The following PLEKHG4B variants were observed in gnomAD, a reference collection of about 807,000 sequenced individuals.
PLEKHG4B encodes pleckstrin homology domain-containing family G member 4B.
Under a neutral mutation model 121.3 loss-of-function variants are expected in PLEKHG4B, and 111 were observed. The observed-to-expected ratio is 0.92, with a 90% CI of 0.78 to 1.07. The LOEUF is 1.07. Among genes scored for constraint, PLEKHG4B ranks in the 50% least tolerant of loss-of-function variants. The pLI is 0.00. For synonymous variants in PLEKHG4B, 738 were observed against 725.0 expected (o/e 1.02, Z -0.29); for missense variants, 1,831 against 1,757.8 (o/e 1.04, Z -0.74).
At chr5:130,373 T>G (rs11750941) in intron 2 of PLEKHG4B, among the ~76,000 whole-genome samples, 28,681 of 152,096 alleles carry the variant, frequency 0.19, 3,773 homozygotes, top group African/African-American at 0.37. Context: ...TAAGGAAATG[T>G]TAATAACTAA....
chr5:97,013 A>G (rs1472345836), intron 1 of PLEKHG4B, among the ~76,000 whole-genome samples: 2 of 152,196 alleles, frequency 1.3e-5, no homozygotes, highest in Non-Finnish European at 2.9e-5. Context: ...GGCAACCACC[A>G]CCTCTTTCTA....
intron 6 of PLEKHG4B, among the ~76,000 whole-genome samples, chr5:148,714 G>A (rs1735509354): frequency 6.6e-6 from 1 of 152,086 alleles, no homozygotes; most frequent in Non-Finnish European, 1.5e-5. Flanking sequence ...TGCCGAAATA[G>A]GAAAACCTAT....
chr5:154,370 C>G (rs1406815395), intron 7 of PLEKHG4B, among the ~76,000 whole-genome samples: 1 of 152,130 alleles, frequency 6.6e-6, no homozygotes, highest in African/African-American at 2.4e-5. Context: ...TGCCTGTTTT[C>G]TGTTGGAGCT....
chr5:178,271 T>C (rs549744712), intron 18 of PLEKHG4B, among the ~76,000 whole-genome samples: 3 of 152,362 alleles, frequency 2.0e-5, no homozygotes, highest in African/African-American at 7.2e-5. Flanking sequence ...GGTGCCACTT[T>C]TAGAGAGACA....
chr5:169,913 A>C (rs1185109329), intron 14 of PLEKHG4B, among the ~76,000 whole-genome samples: 2 of 152,200 alleles, frequency 1.3e-5, no homozygotes, highest in Non-Finnish European at 2.9e-5. Context: ...GATAGGCCAG[A>C]AGCAGTTCCC....
rs76106062 is a variant in PLEKHG4B at position 105,886 on chromosome 5, A to G, written c.46-7365A>G. On this transcript the variant is annotated intron_variant, in intron 1 of 19. Coordinates refer to ENST00000637938, the MANE Select transcript of PLEKHG4B (RefSeq NM_052909.5). ...GCAGCTGTAGAAGCTGGGGGGGCCC[A>G]TGAGCCGAGCACGCACCCGCCGCCT... 8.5e-4 allele frequency among the ~76,000 whole-genome samples: 130 copies of G among 152,320 alleles called. 2 individuals are homozygous for G. In the East Asian group the frequency reaches 0.024, roughly 28 times the overall value.
At position 140,646 on chromosome 5, in the gene PLEKHG4B, C is replaced by G. The variant is rs1735140602; in HGVS notation, c.1407C>G (p.His469Gln). The change falls in exon 3 of 20, where the codon CAC (histidine) becomes CAG (glutamine). Residue 469 changes from histidine (H) to glutamine (Q), a missense_variant. Coordinates refer to ENST00000637938, the MANE Select transcript of PLEKHG4B (RefSeq NM_052909.5). ...CAGCAGGCTCCAGGCCTGGGGGCCA[C>G]CTAGGAGGACAAGCTGTGGGGACCC... ...HHSAGSRPGGHLGGQAVGTPN... is the reference protein window; with the variant it reads ...HHSAGSRPGGQLGGQAVGTPN... 6.2e-7 allele frequency: 1 copy of G among 1,608,350 alleles called. No homozygotes were observed. The highest frequency in any genetic ancestry group is 1.3e-5 in the African/African-American group (1 of 74,622).
rs902581768 is a variant in PLEKHG4B at position 157,841 on chromosome 5, C to T, written c.2487+930C>T. ...TGAAAGAGCCAGCAGCATGGAGAGG[C>T]AGCAGTGGGGTGGAGGCATCCCCAG... On this transcript the variant is annotated intron_variant, in intron 11 of 19. Coordinates refer to ENST00000637938, the MANE Select transcript of PLEKHG4B (RefSeq NM_052909.5). The surrounding 1 kb of genome is among the most constrained non-coding windows in gnomAD (Gnocchi z 4.6). Among the ~76,000 whole-genome samples, 1 of 152,192 alleles carries T rather than the reference C, an allele frequency of 6.6e-6. No homozygotes were observed. The highest frequency in any genetic ancestry group is 1.5e-5 in the Non-Finnish European group (1 of 68,022).
chr5:136,349 A>C (rs6888020), intron 2 of PLEKHG4B, among the ~76,000 whole-genome samples: 1 of 152,108 alleles, frequency 6.6e-6, no homozygotes, highest in African/African-American at 2.4e-5. Flanking sequence ...GTACTATTGC[A>C]TAAAAAGGGC....
At chr5:151,266 TATAGA>T (rs1441563624) in intron 6 of PLEKHG4B, among the ~76,000 whole-genome samples, 1 of 152,220 alleles carries the variant, frequency 6.6e-6, no homozygotes, top group East Asian at 1.9e-4. Context: ...CATCAAAACT[TATAGA>T]ACTATTCACT....
intron 18 of PLEKHG4B, among the ~76,000 whole-genome samples, chr5:180,504 G>T (rs1437088201): frequency 6.6e-6 from 1 of 152,324 alleles, no homozygotes; most frequent in East Asian, 1.9e-4. Flanking sequence ...GGGGTAGAAA[G>T]GTGTCAAGTT....
intron 1 of PLEKHG4B, among the ~76,000 whole-genome samples, chr5:105,033 G>A (rs1233968376): frequency 2.0e-5 from 3 of 151,516 alleles, no homozygotes; most frequent in Admixed American, 6.6e-5. Flanking sequence ...TTCCCATCCT[G>A]AAGGTGGAAA....
chr5:106,482 A>G (rs1733977118), intron 1 of PLEKHG4B, among the ~76,000 whole-genome samples: 1 of 152,220 alleles, frequency 6.6e-6, no homozygotes, highest in Non-Finnish European at 1.5e-5. Context: ...ATTTCAAGGT[A>G]TTTTGTTCTT....
At position 163,028 on chromosome 5, in the gene PLEKHG4B, A is replaced by G. The variant is rs748892065; in HGVS notation, c.2956A>G (p.Arg986Gly). Residue 986 changes from arginine to glycine, a missense_variant, in exon 13 of 20, where the codon AGG becomes GGG. Coordinates refer to ENST00000637938, the MANE Select transcript of PLEKHG4B (RefSeq NM_052909.5). ...KHERAQEAMR[R>G]HQKPPSFPST... Reference sequence around the variant, plus strand: ...TGAGCGTGCCCAGGAGGCCATGAGGAGGCACCAGAAGCCACCCTCATTCCC... The same window carrying G: ...TGAGCGTGCCCAGGAGGCCATGAGGGGGCACCAGAAGCCACCCTCATTCCC... The G allele has an allele frequency of 1.3e-6, 2 of 1,561,938 alleles. No homozygotes were observed. Among genetic ancestry groups the G allele is most frequent in the Non-Finnish European group, 1.7e-6 (2 of 1,153,028 alleles).
In PLEKHG4B at chr5:161,848, G is replaced by C. The variant is rs1268868345; in HGVS notation, c.2553G>C (p.Gln851His). ...ENPQRTEEMVQDFRRGLSAVV... is the reference protein window; with the variant it reads ...ENPQRTEEMVHDFRRGLSAVV... Reference sequence around the variant, plus strand: ...CGCAACGTACAGAGGAAATGGTCCAGGATTTCAGAAGGGGCCTGAGCGCCG... The same window carrying C: ...CGCAACGTACAGAGGAAATGGTCCACGATTTCAGAAGGGGCCTGAGCGCCG... The change falls in exon 12 of 20, where the codon CAG becomes CAC. Residue 851 changes from glutamine (Q) to histidine (H), a missense_variant. Physicochemically the swap from Gln to His is conservative, Grantham distance 24. Coordinates refer to ENST00000637938, the MANE Select transcript of PLEKHG4B (RefSeq NM_052909.5). The C allele has an allele frequency of 1.9e-6, 3 of 1,613,954 alleles. No individual in the cohort carries two copies. In the South Asian group the frequency reaches 3.3e-5, roughly 18 times the overall value.
Position 156,350 on chromosome 5 carries a change from C to G in PLEKHG4B, c.2348+140C>G. ...CCAGACCTCCATTCTGACAGCCACG[C>G]TTTGCCTGGGTCAGAGCTTTTCCAC... is the stretch of plus-strand genomic sequence containing the variant. On this transcript the variant is annotated intron_variant, in intron 10 of 19. Transcript: ENST00000637938. This position sits in a 1 kb window ranked among gnomAD's most constrained non-coding sequence, Gnocchi z 4.4. 1 of 995,206 alleles carries G rather than the reference C, an allele frequency of 1.0e-6. No individual in the cohort carries two copies. Among genetic ancestry groups the G allele is most frequent in the South Asian group, 3.3e-5 (1 of 30,080 alleles). 61.6% of individuals were successfully genotyped at this position (995,206 alleles called of 1,614,324 possible). A position where few individuals can be genotyped will look rare whatever the true frequency, so the allele number is the denominator to read the frequency against.
chr5:103,545 C>T (rs1031569078), intron 1 of PLEKHG4B, among the ~76,000 whole-genome samples: 1 of 152,182 alleles, frequency 6.6e-6, no homozygotes, highest in African/African-American at 2.4e-5. Context: ...GATATACTGC[C>T]ACTTTGCAGA....
chr5:108,993 G>A (rs1734057591), intron 1 of PLEKHG4B, among the ~76,000 whole-genome samples: 1 of 152,164 alleles, frequency 6.6e-6, no homozygotes, highest in Admixed American at 6.5e-5. Context: ...GAGCCTCCTG[G>A]GGGTGTGGGT....
intron 18 of PLEKHG4B, among the ~76,000 whole-genome samples, chr5:180,536 C>T (rs1470484133): frequency 6.6e-6 from 1 of 152,206 alleles, no homozygotes; most frequent in Non-Finnish European, 1.5e-5. Flanking sequence ...GTGAACGCCA[C>T]ATCTGCCCAG....
Sources: allele counts gnomAD v4.1 joint callset (sites outside exome capture counted in the v4.1 genomes callset), GRCh38; gene constraint gnomAD v4.1.1; non-coding constraint Gnocchi (gnomAD v3.1); transcripts MANE v1.5; gene names NCBI Gene and HGNC (gene_info 2026-07-23, HGNC 2026-07-21).